Variants in ENOX1 observed in about 807,000 individuals in gnomAD.
ENOX1 encodes ecto-NOX disulfide-thiol exchanger 1.
A neutral mutation model predicts 82.5 loss-of-function variants in ENOX1; 42 were observed. The observed-to-expected ratio is 0.51, with a 90% confidence interval of 0.40 to 0.66. The LOEUF (loss-of-function observed/expected upper bound fraction) is 0.66. Ranked by LOEUF, ENOX1 falls within the 30% of genes least tolerant of loss-of-function variation. The pLI is 0.00. For missense variants in ENOX1, 608 were observed against 811.6 expected (o/e 0.75, Z 3.05); for synonymous variants, 271 against 282.2 (o/e 0.96, Z 0.40).
intron 11 of ENOX1, among the ~76,000 whole-genome samples, chr13:43,306,260 G>C (rs996219086): frequency 6.6e-6 from 1 of 152,220 alleles, no homozygotes; most frequent in South Asian, 2.1e-4. Flanking sequence ...TGGCTATGGA[G>C]AGGCGAGCAG....
At chr13:43,692,344 TG>T (rs2086410129) in intron 1 of ENOX1, among the ~76,000 whole-genome samples, 1 of 152,206 alleles carries the variant, frequency 6.6e-6, no homozygotes, top group Non-Finnish European at 1.5e-5. Flanking sequence ...GAAAATTTAA[TG>T]GACAATTTCT....
At chr13:43,355,896 A>G (rs766605408) in intron 8 of ENOX1, 23 bp downstream of exon 8, 37 of 1,595,030 alleles carry the variant, frequency 2.3e-5, no homozygotes, top group Non-Finnish European at 2.9e-5. Context: ...GGAGGAAGAA[A>G]AGCCAGCGTG....
intron 3 of ENOX1, among the ~76,000 whole-genome samples, chr13:43,415,393 G>C (rs1373950061): frequency 6.6e-6 from 1 of 151,782 alleles, no homozygotes; most frequent in African/African-American, 2.4e-5. Flanking sequence ...AGGTCCCTGC[G>C]GCCTTCCGCA....
intron 5 of ENOX1, among the ~76,000 whole-genome samples, chr13:43,389,991 A>C (rs1371815015): frequency 1.3e-5 from 2 of 152,172 alleles, no homozygotes; most frequent in African/African-American, 4.8e-5. Context: ...AGAACAAATA[A>C]CTTATGTGCA....
chr13:43,448,234 G>T (rs1343910024), intron 3 of ENOX1, among the ~76,000 whole-genome samples: 1 of 152,160 alleles, frequency 6.6e-6, no homozygotes, highest in East Asian at 1.9e-4. Context: ...TGCAGGAGAG[G>T]TCATTTAATA....
At chr13:43,422,695 A>G (rs1405863697) in intron 3 of ENOX1, among the ~76,000 whole-genome samples, 1 of 152,194 alleles carries the variant, frequency 6.6e-6, no homozygotes, top group East Asian at 1.9e-4. Context: ...CAAAATGACC[A>G]AATTTGCCAA....
Position 43,708,081 on chromosome 13 carries a change from T to A in ENOX1, c.-284-40537A>T, listed in dbSNP as rs534938219. 4.6e-5 allele frequency among the ~76,000 whole-genome samples: 7 copies of A among 152,324 alleles called. No homozygotes were observed. In the East Asian group the frequency reaches 1.4e-3, roughly 29 times the overall value. Reference sequence around the variant, plus strand: ...GTAGATAGAGAACACCTGAAGCTGATGATCAGCGGCTTCCTAATAAGATCT... The same window carrying A: ...GTAGATAGAGAACACCTGAAGCTGAAGATCAGCGGCTTCCTAATAAGATCT... On this transcript the variant is annotated intron_variant, in intron 1 of 16. Coordinates refer to ENST00000690772, the MANE Select transcript of ENOX1 (RefSeq NM_001347969.2).
At chr13:43,462,476 T>C (rs561391557) in intron 3 of ENOX1, among the ~76,000 whole-genome samples, 1 of 152,278 alleles carries the variant, frequency 6.6e-6, no homozygotes, top group South Asian at 2.1e-4. Context: ...ATATTACAAT[T>C]CAAATAAGCT....
chr13:43,374,070 C>G (rs1364109595), intron 5 of ENOX1, among the ~76,000 whole-genome samples: 1 of 151,158 alleles, frequency 6.6e-6, no homozygotes, highest in Non-Finnish European at 1.5e-5. Context: ...CCTTCCCTTC[C>G]CCTCCCTTGC....
intron 2 of ENOX1, among the ~76,000 whole-genome samples, chr13:43,548,426 C>CT (rs2079055526): frequency 6.6e-6 from 1 of 152,232 alleles, no homozygotes; most frequent in South Asian, 2.1e-4. Context: ...GAACTAGGTG[C>CT]TTAGACTATG....
chr13:43,682,945 G>A (rs1350084063), intron 1 of ENOX1, among the ~76,000 whole-genome samples: 2 of 152,196 alleles, frequency 1.3e-5, no homozygotes, highest in African/African-American at 4.8e-5. Context: ...ATAAGGGCTG[G>A]TTGCCATGCT....
chr13:43,285,506 T>C (rs1172870603), intron 12 of ENOX1, among the ~76,000 whole-genome samples: 1 of 152,118 alleles, frequency 6.6e-6, no homozygotes, highest in African/African-American at 2.4e-5. Context: ...GGAAAACTGC[T>C]ACTCCCACCT....
chr13:43,635,478 T>C (rs1378212417), intron 2 of ENOX1, among the ~76,000 whole-genome samples: 1 of 152,172 alleles, frequency 6.6e-6, no homozygotes, highest in Non-Finnish European at 1.5e-5. Context: ...AAAAATATAA[T>C]ATAAAAAGAA....
intron 11 of ENOX1, among the ~76,000 whole-genome samples, chr13:43,318,709 TA>T (rs2047648855): frequency 6.6e-6 from 1 of 152,218 alleles, no homozygotes; most frequent in Non-Finnish European, 1.5e-5. Flanking sequence ...ATTGATTACG[TA>T]CTTGGGGAAA....
intron 2 of ENOX1, among the ~76,000 whole-genome samples, chr13:43,613,552 G>T (rs956323803): frequency 6.6e-6 from 1 of 151,982 alleles, no homozygotes; most frequent in Non-Finnish European, 1.5e-5. Flanking sequence ...GCTAGATCAA[G>T]AAAAAACTCA....
chr13:43,493,296 G>A (rs2076684266), intron 2 of ENOX1, among the ~76,000 whole-genome samples: 1 of 152,178 alleles, frequency 6.6e-6, no homozygotes, highest in Non-Finnish European at 1.5e-5. Context: ...AGGCTGAGAA[G>A]TTCCATGATA....
chr13:43,647,746 C>T (rs2083962662), intron 2 of ENOX1, among the ~76,000 whole-genome samples: 1 of 152,154 alleles, frequency 6.6e-6, no homozygotes, highest in Non-Finnish European at 1.5e-5. Context: ...GAATATGTTA[C>T]CTTATATGGC....
chr13:43,549,260 A>G (rs1279492224), intron 2 of ENOX1, among the ~76,000 whole-genome samples: 1 of 152,256 alleles, frequency 6.6e-6, no homozygotes, highest in Non-Finnish European at 1.5e-5. Context: ...TGAAATATCA[A>G]TGAAACAGTC....
chr13:43,744,761 A>T (rs1949930305), intron 1 of ENOX1, among the ~76,000 whole-genome samples: 1 of 152,198 alleles, frequency 6.6e-6, no homozygotes, highest in Non-Finnish European at 1.5e-5. Flanking sequence ...ACATCTTGCC[A>T]ACAGTACTAT....
Sources: gnomAD v4.1 joint callset for allele counts (sites outside exome capture counted in the v4.1 genomes callset) on GRCh38, gnomAD v4.1.1 for gene constraint, MANE v1.5 for transcripts, NCBI Gene and HGNC (gene_info 2026-07-23, HGNC 2026-07-21) for gene names.